LPP: variants seen among roughly 807,000 people sequenced by gnomAD.
LPP encodes lipoma-preferred partner.
A neutral mutation model predicts 60.4 loss-of-function variants in LPP; 38 were observed. That is an observed-to-expected ratio of 0.63 (90% CI 0.49 to 0.83). LPP has a LOEUF of 0.83. Ranked by LOEUF, LPP falls within the 40% of genes least tolerant of loss-of-function variation. The pLI is 0.00. For synonymous variants in LPP, 328 were observed against 290.8 expected, an observed-to-expected ratio of 1.13 and a Z score of -1.30; for missense variants, 902 against 783.6, an observed-to-expected ratio of 1.15 and a Z score of -1.80.
intron 7 of LPP, among the ~76,000 whole-genome samples, chr3:188,665,446 T>C (rs6803123): frequency 0.81 from 104,233 of 129,472 alleles, 45,599 homozygotes; most frequent in Non-Finnish European, 0.97. Context: ...AACATATTCC[T>C]TCTTCTTCTT....
chr3:188,626,920 T>C (rs1304279015), intron 7 of LPP, among the ~76,000 whole-genome samples: 1 of 151,264 alleles, frequency 6.6e-6, no homozygotes, highest in Non-Finnish European at 1.5e-5. Context: ...ACCTCAAAAA[T>C]CACATTAATA....
chr3:188,368,949 T>C (rs1260493987), intron 3 of LPP, among the ~76,000 whole-genome samples: 2 of 152,190 alleles, frequency 1.3e-5, no homozygotes, highest in African/African-American at 4.8e-5. Flanking sequence ...TCTCTCTGTC[T>C]TATTTCAGGC....
chr3:188,244,087 T>C (rs1577511506), intron 2 of LPP, among the ~76,000 whole-genome samples: 1 of 152,096 alleles, frequency 6.6e-6, no homozygotes, highest in South Asian at 2.1e-4. Context: ...TGCAGGCTGG[T>C]CTCGAACTCC....
intron 6 of LPP, among the ~76,000 whole-genome samples, chr3:188,590,166 T>C (rs1464429973): frequency 7.0e-6 from 1 of 142,984 alleles, no homozygotes; most frequent in East Asian, 1.9e-4. Context: ...ATAATGGTAT[T>C]GTGTGCTGTG....
rs1560308282 is a variant in LPP, at chr3:188,862,722, AATAAATAAATAAATAAAAG to A, written c.1411-3476_1411-3458del. ...GGCAACCCTACTAGACAAAAAAATA[AATAAATAAATAAATAAAAG>A]AAAAAAGAAAAGAAAGAAAGAAAAA... is the stretch of plus-strand genomic sequence containing the variant. On this transcript the variant is annotated intron_variant, in intron 9 of 11. Coordinates refer to ENST00000617246, the MANE Select transcript of LPP (RefSeq NM_001375462.1). Among the ~76,000 whole-genome samples the A allele has an allele frequency of 4.5e-4, 36 of 80,866 alleles. 2 individuals carry two copies. Among genetic ancestry groups the A allele is most frequent in the Non-Finnish European group, 8.5e-4 (25 of 29,256 alleles). 53.1% of individuals were successfully genotyped at this position (80,866 alleles called of 152,430 possible). A position where few individuals can be genotyped will look rare whatever the true frequency, so the allele number is the denominator to read the frequency against.
chr3:188,709,345 T>C (rs1451641569), intron 8 of LPP: 1 of 152,006 alleles, frequency 6.6e-6, no homozygotes, highest in Non-Finnish European at 1.5e-5. Flanking sequence ...GCAAATTTTA[T>C]TTTTATTTTA....
At chr3:188,596,131 T>C (rs1839936697) in intron 6 of LPP, among the ~76,000 whole-genome samples, 1 of 152,200 alleles carries the variant, frequency 6.6e-6, no homozygotes, top group Non-Finnish European at 1.5e-5. Context: ...ATGTGCCTGG[T>C]ACACCCGTTT....
intron 8 of LPP, among the ~76,000 whole-genome samples, chr3:188,716,202 C>T (rs1713928414): frequency 6.6e-6 from 1 of 152,120 alleles, no homozygotes; most frequent in Non-Finnish European, 1.5e-5. Context: ...GGAACTAGGC[C>T]TTCATTTTTC....
chr3:188,275,900 T>C (rs558358380), intron 2 of LPP, among the ~76,000 whole-genome samples: 6 of 152,120 alleles, frequency 3.9e-5, no homozygotes, highest in African/African-American at 1.4e-4. Flanking sequence ...GATCTCGAAC[T>C]CCTGACCCCG....
intron 6 of LPP, among the ~76,000 whole-genome samples, chr3:188,577,543 T>G (rs1580111886): frequency 6.6e-6 from 1 of 151,288 alleles, no homozygotes; most frequent in Admixed American, 6.6e-5. Flanking sequence ...ATACAGTAAT[T>G]AATATATTTA....
chr3:188,485,623 C>T (rs968907495), intron 5 of LPP, among the ~76,000 whole-genome samples: 17 of 150,938 alleles, frequency 1.1e-4, no homozygotes, highest in African/African-American at 3.9e-4. Flanking sequence ...CGGTGAAACC[C>T]CGTCTCTACT....
At chr3:188,288,580 G>GCACA (rs71167088) in intron 2 of LPP, among the ~76,000 whole-genome samples, 61,597 of 150,506 alleles carry the variant, frequency 0.41, 13,112 homozygotes, top group Middle Eastern at 0.55. Context: ...ATGTACACGT[G>GCACA]CACACACACA....
intron 3 of LPP, among the ~76,000 whole-genome samples, chr3:188,388,588 G>A (rs964653870): frequency 6.6e-6 from 1 of 152,156 alleles, no homozygotes; most frequent in Non-Finnish European, 1.5e-5. Flanking sequence ...GAACCACCTT[G>A]CTACATTCCG....
intron 3 of LPP, among the ~76,000 whole-genome samples, chr3:188,355,013 T>C (rs547470274): frequency 2.0e-5 from 3 of 152,166 alleles, no homozygotes; most frequent in Non-Finnish European, 4.4e-5. Context: ...TTGTTTGTTT[T>C]TTCTTTTTTG....
At chr3:188,755,809 C>CAAAAAAAAAAAAAAAAAAAAAAAAA (rs58696911) in intron 8 of LPP, among the ~76,000 whole-genome samples, 1 of 73,994 alleles carries the variant, frequency 1.4e-5, no homozygotes, top group Non-Finnish European at 2.7e-5. Flanking sequence ...GATCCTGTCA[C>CAAAAAAAAAAAAAAAAAAAAAAAAA]AAAAAAAAAA....
intron 7 of LPP, among the ~76,000 whole-genome samples, chr3:188,637,875 G>A (rs891083604): frequency 3.9e-4 from 59 of 151,416 alleles, no homozygotes; most frequent in African/African-American, 1.3e-3. Context: ...ATAATCAATA[G>A]CTTACCAACC....
chr3:188,444,457 G>C (rs1370191883), intron 4 of LPP, among the ~76,000 whole-genome samples: 5 of 152,030 alleles, frequency 3.3e-5, no homozygotes, highest in Admixed American at 6.6e-5. Context: ...TGTTATACTT[G>C]AACTAGATTG....
intron 2 of LPP, among the ~76,000 whole-genome samples, 194 bp downstream of exon 2, chr3:188,225,721 A>C (rs1006917316): frequency 2.0e-5 from 3 of 152,222 alleles, no homozygotes; most frequent in African/African-American, 7.2e-5. Context: ...ATATATAACC[A>C]TGCTAATAAA....
At chr3:188,538,648 TACC>T (rs1485043447) in intron 6 of LPP, among the ~76,000 whole-genome samples, 2 of 152,170 alleles carry the variant, frequency 1.3e-5, no homozygotes, top group Non-Finnish European at 2.9e-5. Context: ...TGGTCATAGT[TACC>T]ACATGACCAA....
Sources: allele counts gnomAD v4.1 joint callset (sites outside exome capture counted in the v4.1 genomes callset), GRCh38; gene constraint gnomAD v4.1.1; transcripts MANE v1.5; gene names NCBI Gene and HGNC (gene_info 2026-07-23, HGNC 2026-07-21).